Variants in ADAM17 observed in about 807,000 individuals in gnomAD.
ADAM17 encodes the protein disintegrin and metalloproteinase domain-containing protein 17.
In ADAM17, 39 loss-of-function variants were observed where a neutral mutation model predicts 96.7. The ratio of observed to expected loss-of-function variants is 0.40; its 90% CI spans 0.31 to 0.53. ADAM17 has a LOEUF of 0.53. ADAM17 is among the 20% of genes least tolerant of loss of function. The pLI is 0.44. For missense variants in ADAM17, 777 were observed against 1,013.2 expected (o/e 0.77, Z 3.17); for synonymous variants, 344 against 359.2 (o/e 0.96, Z 0.48).
intron 6 of ADAM17, 94 bp from the exon 7 acceptor site, chr2:9,523,432 G>GT: frequency 9.0e-7 from 1 of 1,113,182 alleles, no homozygotes; most frequent in South Asian, 1.4e-5. Flanking sequence ...AAAAATCTCA[G>GT]TTTAGAGGCC....
chr2:9,549,009 A>G lies in ADAM17; in HGVS notation c.98-5724T>C, dbSNP rs569407143. 3.0e-4 allele frequency among the ~76,000 whole-genome samples: 45 copies of G among 152,334 alleles called. 1 individual carries two copies. The highest frequency in any genetic ancestry group is 1.2e-3 in the Admixed American group (19 of 15,292). ...TCACTTTAATGCATTGACATAAAGT[A>G]TATCCATATTTTCTTCATTAAGCCC... On this transcript the variant is annotated intron_variant, in intron 1 of 18. Coordinates refer to ENST00000310823, the MANE Select transcript of ADAM17 (RefSeq NM_003183.6).
chr2:9,488,955 AATG>A lies in ADAM17; in HGVS notation c.*1219_*1221del, dbSNP rs1388551717. 3.3e-5 allele frequency: 5 copies of A among 152,242 alleles called. No individual in the cohort carries two copies. The highest frequency in any genetic ancestry group is 1.3e-4 in the Admixed American group (2 of 15,286). The allele number at this position is 152,242 out of a possible 1,614,324, so 9.4% of individuals were successfully genotyped here. A position where few individuals can be genotyped will look rare whatever the true frequency, so the allele number is the denominator to read the frequency against. On this transcript the variant is annotated 3_prime_UTR_variant, in exon 19 of 19. Transcript: ENST00000310823. ...ATTTATAGAAATCAGAATCCAGGCT[AATG>A]ATTTTTATCCTTCACACAGTAAATG...
At chr2:9,494,379 A>C (rs967807747) in intron 15 of ADAM17, among the ~76,000 whole-genome samples, 2 of 152,158 alleles carry the variant, frequency 1.3e-5, no homozygotes, top group Non-Finnish European at 2.9e-5. Flanking sequence ...CCTGAAACCA[A>C]CCAACTTTAC....
chr2:9,543,354 A>G, intron 1 of ADAM17, 69 bp from the exon 2 acceptor site: 1 of 1,315,638 alleles, frequency 7.6e-7, no homozygotes, highest in Non-Finnish European at 1.0e-6. Context: ...TTAAAATGAG[A>G]GTGCCAGACA....
At chr2:9,500,737 T>C (rs1193879589) in intron 13 of ADAM17, among the ~76,000 whole-genome samples, 7 of 152,194 alleles carry the variant, frequency 4.6e-5, no homozygotes, top group African/African-American at 1.7e-4. Flanking sequence ...AAAAGGAACA[T>C]TATATACTGG....
intron 2 of ADAM17, 117 bp from the exon 3 acceptor site, chr2:9,536,945 G>C: frequency 8.4e-7 from 1 of 1,194,294 alleles, no homozygotes; most frequent in Non-Finnish European, 1.2e-6. Flanking sequence ...CACTATGCAA[G>C]TTACAACTAA....
chr2:9,543,281 C>A lies in ADAM17; in HGVS notation c.102G>T (p.Lys34Asn). 2 of 1,587,052 alleles carry A rather than the reference C, an allele frequency of 1.3e-6. No homozygotes were observed. Among genetic ancestry groups the A allele is most frequent in the Non-Finnish European group, 1.7e-6 (2 of 1,171,106 alleles). Residue 34 changes from lysine (K) to asparagine (N), a missense_variant, in exon 2 of 19, where the codon AAG becomes AAT. This residue lies in a region of ADAM17 where 134 missense variants were observed against 129.1 expected (regional missense o/e 1.04). Transcript: ENST00000310823. ...PGFGPHQRLE[K>N]LDSLLSDYDI... The stretch of plus-strand genomic sequence containing the variant: ...CGTAGTCTGAGAGCAAAGAATCAAG[C>A]TTCTCTGAAATAAAGGTAAAAAAGG...
At chr2:9,538,645 T>G (rs1379453873) in intron 2 of ADAM17, among the ~76,000 whole-genome samples, 1 of 152,220 alleles carries the variant, frequency 6.6e-6, no homozygotes, top group Non-Finnish European at 1.5e-5. Context: ...TGGAATTGCA[T>G]TTTTCATTTG....
intron 1 of ADAM17, among the ~76,000 whole-genome samples, chr2:9,552,070 C>T (rs1665605674): frequency 6.6e-6 from 1 of 152,186 alleles, no homozygotes. Flanking sequence ...TAGGGATGCT[C>T]AACCCATATA....
chr2:9,549,629 G>GC (rs1665521233), intron 1 of ADAM17, among the ~76,000 whole-genome samples: 1 of 152,148 alleles, frequency 6.6e-6, no homozygotes, highest in South Asian at 2.1e-4. Context: ...CTGGGCATGA[G>GC]CAATCCTCCG....
chr2:9,491,507 C>T lies in ADAM17; in HGVS notation c.2083-356G>A, dbSNP rs150089134. Among the ~76,000 whole-genome samples the T allele has an allele frequency of 4.1e-3, 623 of 152,302 alleles. 3 individuals carry two copies. Among genetic ancestry groups the T allele is most frequent in the Admixed American group, 7.4e-3 (113 of 15,294 alleles). ...TCCCAGATGCTGGGTACACCAGGAC[C>T]GCACTGACTGGAAGGGCAACTGGTA... On this transcript the variant is annotated intron_variant, in intron 17 of 18. Coordinates refer to ENST00000310823, the MANE Select transcript of ADAM17 (RefSeq NM_003183.6).
At chr2:9,536,509 T>C (rs1055208024) in intron 3 of ADAM17, among the ~76,000 whole-genome samples, 189 bp downstream of exon 3, 1 of 152,190 alleles carries the variant, frequency 6.6e-6, no homozygotes, top group African/African-American at 2.4e-5. Flanking sequence ...GACATTTAGA[T>C]AATACTCATT....
chr2:9,552,633 A>G (rs1665619521), intron 1 of ADAM17, among the ~76,000 whole-genome samples: 1 of 152,200 alleles, frequency 6.6e-6, no homozygotes. Context: ...TCTGTGACCT[A>G]TATTTTTTCC....
At chr2:9,519,782 A>T (rs569539838) in intron 8 of ADAM17, among the ~76,000 whole-genome samples, 2 of 152,334 alleles carry the variant, frequency 1.3e-5, no homozygotes, top group South Asian at 4.1e-4. Context: ...CACCACAAGT[A>T]CCTTGGCCTC....
intron 10 of ADAM17, among the ~76,000 whole-genome samples, chr2:9,515,539 C>T (rs1664010736): frequency 6.6e-6 from 1 of 151,972 alleles, no homozygotes; most frequent in East Asian, 1.9e-4. Context: ...GAGTTCGAGA[C>T]CAGCCTGGAC....
At position 9,489,737 on chromosome 2, in the gene ADAM17, A is replaced by C. The variant is rs915535826; in HGVS notation, c.*440T>G. On this transcript the variant is annotated 3_prime_UTR_variant, in exon 19 of 19. Coordinates refer to ENST00000310823, the MANE Select transcript of ADAM17 (RefSeq NM_003183.6). ...TTTTAGTTGAAGGCAAAAAAAAAAA[A>C]AAAAAAAAAAAACTATTCCAGTTGT... The C allele has an allele frequency of 1.3e-5, 2 of 152,134 alleles. No individual in the cohort carries two copies. Among genetic ancestry groups the C allele is most frequent in the African/African-American group, 4.8e-5 (2 of 41,314 alleles). The allele number at this position is 152,134 out of a possible 1,614,324, so 9.4% of individuals were successfully genotyped here. A position where few individuals can be genotyped will look rare whatever the true frequency, so the allele number is the denominator to read the frequency against.
chr2:9,537,442 G>A (rs1413219807), intron 2 of ADAM17, among the ~76,000 whole-genome samples: 3 of 152,146 alleles, frequency 2.0e-5, no homozygotes, highest in Non-Finnish European at 4.4e-5. Flanking sequence ...ATATTTAAAA[G>A]TACTCATGCG....
chr2:9,535,338 C>T (rs1664916242), intron 4 of ADAM17, among the ~76,000 whole-genome samples: 1 of 152,192 alleles, frequency 6.6e-6, no homozygotes, highest in African/African-American at 2.4e-5. Context: ...TGTGTCTTAA[C>T]CAATGCAGCC....
chr2:9,531,133 T>C (rs1459771790), intron 4 of ADAM17, among the ~76,000 whole-genome samples: 1 of 152,102 alleles, frequency 6.6e-6, no homozygotes, highest in East Asian at 1.9e-4. Context: ...AATTTTTGTA[T>C]TTTTAGTAGA....
Sources: allele counts gnomAD v4.1 joint callset (sites outside exome capture counted in the v4.1 genomes callset), GRCh38; gene constraint gnomAD v4.1.1; regional missense constraint gnomAD v4.1.1; transcripts MANE v1.5; gene names NCBI Gene and HGNC (gene_info 2026-07-23, HGNC 2026-07-21).